The following NRXN3 variants were observed in gnomAD, a reference collection of about 807,000 sequenced individuals.
NRXN3 encodes neurexin 3.
Under a neutral mutation model 137.6 loss-of-function variants are expected in NRXN3, and 32 were observed. The ratio of observed to expected loss-of-function variants is 0.23; its 90% CI spans 0.18 to 0.31. The LOEUF is 0.31. Ranked by LOEUF, NRXN3 falls within the 10% of genes least tolerant of loss-of-function variation. The probability of loss-of-function intolerance (pLI) is 1.00; values close to 1 mark genes in which losing one functional copy is unlikely to be tolerated. For missense variants in NRXN3, 1,574 were observed against 2,062.5 expected (o/e 0.76, Z 4.59); for synonymous variants, 798 against 784.5 (o/e 1.02, Z -0.29).
At chr14:79,491,735 A>T (rs1053433518) in intron 16 of NRXN3, among the ~76,000 whole-genome samples, 3 of 152,192 alleles carry the variant, frequency 2.0e-5, no homozygotes, top group African/African-American at 7.2e-5. Flanking sequence ...ATGATGGACT[A>T]GTGGCAAGAC....
chr14:78,619,681 C>T (rs895549716), intron 4 of NRXN3, among the ~76,000 whole-genome samples: 27 of 151,914 alleles, frequency 1.8e-4, no homozygotes, highest in African/African-American at 5.8e-4. Flanking sequence ...TCCTTCCTGG[C>T]GCCTTGCAAA....
At chr14:79,779,990 A>C (rs916318249) in intron 19 of NRXN3, among the ~76,000 whole-genome samples, 5 of 152,036 alleles carry the variant, frequency 3.3e-5, no homozygotes, top group African/African-American at 1.2e-4. Context: ...TCAGCCTCCC[A>C]AAGTTCTGGG....
chr14:79,775,553 G>GAAAAAAAAAAAAA (rs749252781), intron 19 of NRXN3, among the ~76,000 whole-genome samples: 1 of 69,022 alleles, frequency 1.4e-5, no homozygotes. Context: ...GGCTCTAACC[G>GAAAAAAAAAAAAA]AAAAAAAAAA....
At chr14:79,468,574 G>T (rs2096459569) in intron 16 of NRXN3, among the ~76,000 whole-genome samples, 1 of 152,242 alleles carries the variant, frequency 6.6e-6, no homozygotes, top group Non-Finnish European at 1.5e-5. Flanking sequence ...TTGCTAATGT[G>T]CAGGTGTATA....
chr14:79,303,691 A>T (rs1035592849), intron 15 of NRXN3, among the ~76,000 whole-genome samples: 1 of 152,096 alleles, frequency 6.6e-6, no homozygotes, highest in Non-Finnish European at 1.5e-5. Context: ...CACCAGAAAG[A>T]TCTCCATTGC....
intron 4 of NRXN3, among the ~76,000 whole-genome samples, chr14:78,498,256 A>G (rs2095821343): frequency 6.6e-6 from 1 of 152,166 alleles, no homozygotes; most frequent in South Asian, 2.1e-4. Context: ...GGAGCAGAGA[A>G]AGAACAATTG....
intron 10 of NRXN3, among the ~76,000 whole-genome samples, chr14:78,874,853 A>T (rs1342467289): frequency 1.3e-5 from 2 of 152,214 alleles, no homozygotes; most frequent in African/African-American, 4.8e-5. Flanking sequence ...GCAGGCGAAT[A>T]ATGCAAGAAG....
intron 8 of NRXN3, among the ~76,000 whole-genome samples, chr14:78,752,351 G>C (rs528645509): frequency 2.0e-5 from 3 of 152,230 alleles, no homozygotes; most frequent in African/African-American, 4.8e-5. Flanking sequence ...AGGAGGCGGA[G>C]GTTGCAGTGA....
At chr14:79,454,853 G>C (rs866347298) in intron 15 of NRXN3, among the ~76,000 whole-genome samples, 7 of 152,170 alleles carry the variant, frequency 4.6e-5, no homozygotes, top group Middle Eastern at 3.4e-3. Context: ...GTAAAGTAAT[G>C]AATTTTGTTA....
intron 4 of NRXN3, among the ~76,000 whole-genome samples, chr14:78,453,529 C>A (rs2094601630): frequency 6.6e-6 from 1 of 152,210 alleles, no homozygotes; most frequent in Admixed American, 6.5e-5. Context: ...CCCACTCAAC[C>A]AAGATAATTA....
chr14:79,770,091 G>T (rs1353870616), intron 19 of NRXN3, among the ~76,000 whole-genome samples: 1 of 151,546 alleles, frequency 6.6e-6, no homozygotes, highest in East Asian at 2.0e-4. Context: ...AAATATATAT[G>T]CACCCAATAC....
intron 4 of NRXN3, among the ~76,000 whole-genome samples, chr14:78,561,829 G>A (rs1436601764): frequency 3.3e-5 from 5 of 152,130 alleles, no homozygotes; most frequent in Admixed American, 2.6e-4. Context: ...GGCAATTAAC[G>A]TTTCTGACAA....
chr14:78,460,335 C>G (rs76372711), intron 4 of NRXN3, among the ~76,000 whole-genome samples: 5 of 152,280 alleles, frequency 3.3e-5, no homozygotes, highest in East Asian at 1.9e-4. Context: ...ATCTTTAGCC[C>G]CTCTCTGTTT....
In NRXN3 at chr14:78,173,709, C is replaced by CTTTTTTTTTTTTTTTTTTTTTTTTTTTT. The variant is rs10638142; in HGVS notation, c.-704+3050_-704+3051insTTTTTTTTTTTTTTTTTTTTTTTTTTTT. On this transcript the variant is annotated intron_variant, in intron 1 of 20. Transcript: ENST00000335750. ...CGGCTCTTTTTTCCCTTTTTCCTTG[C>CTTTTTTTTTTTTTTTTTTTTTTTTTTTT]TTTTTTTTTTTTTTTGCAACACAAC... Among the ~76,000 whole-genome samples the CTTTTTTTTTTTTTTTTTTTTTTTTTTTT allele has an allele frequency of 2.0e-4, 14 of 69,334 alleles. 2 individuals carry two copies. The highest frequency in any genetic ancestry group is 5.1e-4 in the East Asian group (1 of 1,964). The allele number at this position is 69,334 out of a possible 152,430, so 45.5% of individuals were successfully genotyped here.
intron 15 of NRXN3, among the ~76,000 whole-genome samples, chr14:79,238,172 T>A (rs2073728864): frequency 6.6e-6 from 1 of 152,130 alleles, no homozygotes; most frequent in African/African-American, 2.4e-5. Flanking sequence ...TTTAATGCTC[T>A]CCTATCACCA....
intron 19 of NRXN3, among the ~76,000 whole-genome samples, chr14:79,797,351 A>G (rs2099164114): frequency 6.6e-6 from 1 of 152,196 alleles, no homozygotes; most frequent in African/African-American, 2.4e-5. Flanking sequence ...TAATAGCTGG[A>G]AGAACCCATG....
At chr14:79,569,683 C>T (rs1028201779) in intron 16 of NRXN3, among the ~76,000 whole-genome samples, 1 of 150,898 alleles carries the variant, frequency 6.6e-6, no homozygotes, top group African/African-American at 2.4e-5. Flanking sequence ...ATCTTGGCTC[C>T]CTGCAACCTC....
At position 78,188,425 on chromosome 14, in the gene NRXN3, T is replaced by A. The variant is rs532913217; in HGVS notation, c.-704+17751T>A. Among the ~76,000 whole-genome samples, 4 of 152,302 alleles carry A rather than the reference T, an allele frequency of 2.6e-5. No homozygotes were observed. The East Asian group carries it at 7.7e-4, about 29-fold the overall frequency. Reference sequence around the variant, plus strand: ...GGCATTAGGGATACAGTACTGTGTTTAGAGCCTGATTTCTGGCTCATTGGA... The same window carrying A: ...GGCATTAGGGATACAGTACTGTGTTAAGAGCCTGATTTCTGGCTCATTGGA... On this transcript the variant is annotated intron_variant, in intron 1 of 20. Coordinates refer to ENST00000335750, the MANE Select transcript of NRXN3 (RefSeq NM_001330195.2).
At chr14:78,191,033 A>G (rs957011104) in intron 1 of NRXN3, among the ~76,000 whole-genome samples, 5 of 152,182 alleles carry the variant, frequency 3.3e-5, no homozygotes, top group Non-Finnish European at 7.3e-5. Flanking sequence ...TAAGCGTCCT[A>G]CATAAGGGAA....
Sources: allele counts gnomAD v4.1 joint callset (sites outside exome capture counted in the v4.1 genomes callset), GRCh38; gene constraint gnomAD v4.1.1; transcripts MANE v1.5; gene names NCBI Gene and HGNC (gene_info 2026-07-23, HGNC 2026-07-21).